DYNC1I1: variants seen among roughly 807,000 people sequenced by gnomAD.
DYNC1I1 encodes dynein cytoplasmic 1 intermediate chain 1.
Under a neutral mutation model 86.6 loss-of-function variants are expected in DYNC1I1, and 43 were observed. The observed-to-expected ratio is 0.50, with a 90% CI of 0.39 to 0.64. The LOEUF (loss-of-function observed/expected upper bound fraction) is 0.64. DYNC1I1 is among the 30% of genes least tolerant of loss of function. The pLI, the probability that DYNC1I1 is intolerant of heterozygous loss-of-function variation, is 0.00. For missense variants in DYNC1I1, 604 were observed against 788.8 expected (o/e 0.77, Z 2.81); for synonymous variants, 262 against 283.7 (o/e 0.92, Z 0.77).
At chr7:96,094,499 G>A (rs1790940312) in intron 16 of DYNC1I1, among the ~76,000 whole-genome samples, 1 of 152,198 alleles carries the variant, frequency 6.6e-6, no homozygotes, top group South Asian at 2.1e-4. Flanking sequence ...GCCATTTACA[G>A]TCATGGAAAC....
At chr7:95,887,142 G>A (rs1256717016) in intron 6 of DYNC1I1, among the ~76,000 whole-genome samples, 2 of 152,090 alleles carry the variant, frequency 1.3e-5, no homozygotes, top group South Asian at 2.1e-4. Flanking sequence ...CACCCAATCC[G>A]GGCTGCATAT....
intron 5 of DYNC1I1, among the ~76,000 whole-genome samples, chr7:95,841,882 C>A (rs531545156): frequency 7.2e-5 from 11 of 152,284 alleles, no homozygotes; most frequent in African/African-American, 2.6e-4. Context: ...GTGTGCTAAG[C>A]CAGTGGGGAG....
chr7:95,808,335 A>G (rs910286912), intron 2 of DYNC1I1, among the ~76,000 whole-genome samples: 1 of 152,160 alleles, frequency 6.6e-6, no homozygotes. Context: ...TGCCATGAAT[A>G]TAAAAACTAG....
At chr7:95,858,703 C>T (rs189459541) in intron 5 of DYNC1I1, among the ~76,000 whole-genome samples, 2 of 151,770 alleles carry the variant, frequency 1.3e-5, no homozygotes, top group African/African-American at 4.8e-5. Flanking sequence ...CACCATCATA[C>T]ATATGATGCA....
At chr7:95,882,415 A>G (rs906411317) in intron 6 of DYNC1I1, among the ~76,000 whole-genome samples, 3 of 152,156 alleles carry the variant, frequency 2.0e-5, no homozygotes, top group South Asian at 2.1e-4. Flanking sequence ...GAGATGCACC[A>G]TATTTCTTAA....
chr7:95,801,132 C>A (rs1210408938), intron 1 of DYNC1I1, among the ~76,000 whole-genome samples: 1 of 152,120 alleles, frequency 6.6e-6, no homozygotes, highest in African/African-American at 2.4e-5. Flanking sequence ...TGGAATGGAT[C>A]AAAAAATCAA....
At chr7:96,078,492 T>G (rs1309865818) in intron 15 of DYNC1I1, among the ~76,000 whole-genome samples, 2 of 152,172 alleles carry the variant, frequency 1.3e-5, no homozygotes. Context: ...GATCATTATT[T>G]TCTATCATTT....
At chr7:95,781,762 T>A (rs1460733373) in intron 1 of DYNC1I1, among the ~76,000 whole-genome samples, 3 of 152,284 alleles carry the variant, frequency 2.0e-5, no homozygotes, top group East Asian at 1.9e-4. Context: ...CTGGAGACTG[T>A]GTGGTTAATA....
At chr7:95,947,735 A>G (rs1792440954) in intron 6 of DYNC1I1, among the ~76,000 whole-genome samples, 1 of 152,160 alleles carries the variant, frequency 6.6e-6, no homozygotes. Context: ...GGCAGCTGAA[A>G]TGCTCTGCAT....
chr7:96,101,741 C>T (rs962316821), downstream of DYNC1I1, among the ~76,000 whole-genome samples: 13 of 152,144 alleles, frequency 8.5e-5, no homozygotes, highest in Admixed American at 7.9e-4. Flanking sequence ...GATATACTTA[C>T]ATCAGGTACC....
At chr7:95,847,211 A>G (rs1789455929) in intron 5 of DYNC1I1, among the ~76,000 whole-genome samples, 2 of 152,096 alleles carry the variant, frequency 1.3e-5, no homozygotes, top group African/African-American at 4.8e-5. Flanking sequence ...TTCTTTTCCA[A>G]AGTCTCCAAT....
At chr7:95,934,066 G>A (rs1366751982) in intron 6 of DYNC1I1, among the ~76,000 whole-genome samples, 1 of 151,990 alleles carries the variant, frequency 6.6e-6, no homozygotes, top group Non-Finnish European at 1.5e-5. Flanking sequence ...ATTGCCTGGT[G>A]GTCTTGGAAC....
intron 5 of DYNC1I1, among the ~76,000 whole-genome samples, chr7:95,867,733 G>A (rs1352061691): frequency 6.6e-6 from 1 of 152,102 alleles, no homozygotes; most frequent in Non-Finnish European, 1.5e-5. Context: ...GAGGGTTTAG[G>A]GTGATCTCTC....
At chr7:96,099,356 T>C (rs1405584039), downstream of DYNC1I1, among the ~76,000 whole-genome samples, 1 of 152,234 alleles carries the variant, frequency 6.6e-6, no homozygotes, top group Non-Finnish European at 1.5e-5. Context: ...GCTGACGTTA[T>C]GTGACTGACA....
chr7:95,793,395 T>A (rs1794358774), intron 1 of DYNC1I1, among the ~76,000 whole-genome samples: 1 of 151,988 alleles, frequency 6.6e-6, no homozygotes, highest in Non-Finnish European at 1.5e-5. Flanking sequence ...AAGTCTCTCG[T>A]GGCAGACCTC....
At chr7:96,059,357 A>G (rs1271689312) in intron 14 of DYNC1I1, among the ~76,000 whole-genome samples, 2 of 152,214 alleles carry the variant, frequency 1.3e-5, no homozygotes, top group African/African-American at 4.8e-5. Flanking sequence ...AGGCAACAAA[A>G]AAAAGATATT....
chr7:95,817,267 A>G (rs544069579), intron 4 of DYNC1I1, among the ~76,000 whole-genome samples: 1 of 152,184 alleles, frequency 6.6e-6, no homozygotes, highest in South Asian at 2.1e-4. Context: ...GCTTTTTACC[A>G]ATGAGGACAC....
chr7:95,920,995 A>G (rs1251712545), intron 6 of DYNC1I1, among the ~76,000 whole-genome samples: 2 of 152,170 alleles, frequency 1.3e-5, no homozygotes, highest in African/African-American at 2.4e-5. Flanking sequence ...TCAGTCAAGA[A>G]TTGTGTAATT....
chr7:96,025,634 G>T (rs1794659595), intron 10 of DYNC1I1, among the ~76,000 whole-genome samples: 1 of 152,056 alleles, frequency 6.6e-6, no homozygotes, highest in Admixed American at 6.6e-5. Context: ...TTTTTGAAAT[G>T]GTTTAGTAGT....
Sources: allele counts gnomAD v4.1 joint callset (sites outside exome capture counted in the v4.1 genomes callset), GRCh38; gene constraint gnomAD v4.1.1; transcripts MANE v1.5; gene names NCBI Gene and HGNC (gene_info 2026-07-23, HGNC 2026-07-21).